Variants in ADCY2 observed in about 807,000 individuals in gnomAD.
ADCY2 encodes the protein adenylate cyclase 2.
In ADCY2, 31 loss-of-function variants were observed where a neutral mutation model predicts 125.2. The observed-to-expected ratio is 0.25, with a 90% CI of 0.19 to 0.33. The LOEUF (loss-of-function observed/expected upper bound fraction) is 0.33, where lower values mean the gene tolerates loss of function less well. Ranked by LOEUF, ADCY2 falls within the 10% of genes least tolerant of loss-of-function variation. ADCY2 has a pLI of 1.00. For synonymous variants in ADCY2, 512 were observed against 548.4 expected, an observed-to-expected ratio of 0.93 and a Z score of 0.93; for missense variants, 904 against 1,418.2, an observed-to-expected ratio of 0.64 and a Z score of 5.82.
At chr5:7,718,655 T>C (rs1254697438) in intron 12 of ADCY2, among the ~76,000 whole-genome samples, 1 of 152,098 alleles carries the variant, frequency 6.6e-6, no homozygotes, top group Non-Finnish European at 1.5e-5. Context: ...CTAGATGCCC[T>C]TCCTGTGCTA....
At chr5:7,498,280 G>A (rs1403598355) in intron 2 of ADCY2, among the ~76,000 whole-genome samples, 5 of 113,550 alleles carry the variant, frequency 4.4e-5, no homozygotes, top group South Asian at 2.9e-4. Flanking sequence ...ACAGAGTCTC[G>A]CTCTATCGCC....
At chr5:7,442,201 C>T (rs1205490607) in intron 2 of ADCY2, among the ~76,000 whole-genome samples, 1 of 152,142 alleles carries the variant, frequency 6.6e-6, no homozygotes, top group Non-Finnish European at 1.5e-5. Flanking sequence ...ATTGCATTTG[C>T]ATGTTGTGCC....
chr5:7,574,321 T>C (rs894187269), intron 3 of ADCY2, among the ~76,000 whole-genome samples: 4 of 151,832 alleles, frequency 2.6e-5, no homozygotes, highest in South Asian at 2.1e-4. Context: ...TTCTAGATCC[T>C]TGAGGAATCG....
Position 7,766,869 on chromosome 5 carries a change from A to G in ADCY2, c.2214+63A>G. On this transcript the variant is annotated intron_variant, in intron 17 of 24. Transcript: ENST00000338316. ...CCTGTATGCTCGTAGTCTGTATAAC[A>G]TATATCCTTTAGTCTCAGATCTGTT... 11 of 1,547,510 alleles carry G rather than the reference A, an allele frequency of 7.1e-6. No homozygotes were observed. The South Asian group carries it at 1.3e-4, about 18-fold the overall frequency.
At chr5:7,429,222 A>C (rs540913155) in intron 2 of ADCY2, among the ~76,000 whole-genome samples, 1 of 152,346 alleles carries the variant, frequency 6.6e-6, no homozygotes, top group African/African-American at 2.4e-5. Context: ...CTACTGATAA[A>C]GGAATTAGTA....
intron 19 of ADCY2, among the ~76,000 whole-genome samples, chr5:7,784,708 C>G (rs898978646): frequency 6.6e-6 from 1 of 151,454 alleles, no homozygotes; most frequent in Non-Finnish European, 1.5e-5. Context: ...CCTGTTAAAT[C>G]TCAAAACAAA....
chr5:7,536,603 T>C (rs1253328599), intron 3 of ADCY2, among the ~76,000 whole-genome samples: 1 of 152,228 alleles, frequency 6.6e-6, no homozygotes, highest in East Asian at 1.9e-4. Flanking sequence ...TTTCCCAACA[T>C]TTTTAGTTCT....
At position 7,789,706 on chromosome 5, in the gene ADCY2, T is replaced by C. The variant is rs2126504872; in HGVS notation, c.2534T>C (p.Ile845Thr). The C allele has an allele frequency of 6.2e-7, 1 of 1,613,608 alleles. No homozygotes were observed. The highest frequency in any genetic ancestry group is 2.2e-5 in the East Asian group (1 of 44,838). ...AAATTCAAAAAAGAGCGGGAGGAGATAGAGACCATGGAGAACCTGAACCGC... is the reference window on the plus strand; with the variant it reads ...AAATTCAAAAAAGAGCGGGAGGAGACAGAGACCATGGAGAACCTGAACCGC... ...KNKFKKEREEIETMENLNRVL... is the reference protein window; with the variant it reads ...KNKFKKEREETETMENLNRVL... The change falls in exon 20 of 25, where the codon ATA becomes ACA. Residue 845 changes from isoleucine (I) to threonine (T), a missense_variant. Around this residue, in one of 7 missense-constraint regions of ADCY2, gnomAD observed 181 missense variants for 381.6 expected, o/e 0.47. Transcript: ENST00000338316.
chr5:7,528,598 C>A (rs187215459), intron 3 of ADCY2, among the ~76,000 whole-genome samples: 9 of 152,322 alleles, frequency 5.9e-5, no homozygotes, highest in Middle Eastern at 3.4e-3. Context: ...CATCCATTAA[C>A]TGTCTCTATC....
At chr5:7,731,677 C>T (rs1742107586) in intron 14 of ADCY2, among the ~76,000 whole-genome samples, 1 of 152,070 alleles carries the variant, frequency 6.6e-6, no homozygotes, top group Non-Finnish European at 1.5e-5. Context: ...CATCTTGGCT[C>T]ACTGCAACCT....
intron 4 of ADCY2, among the ~76,000 whole-genome samples, chr5:7,632,641 T>C (rs1248925276): frequency 6.6e-6 from 1 of 152,196 alleles, no homozygotes; most frequent in African/African-American, 2.4e-5. Flanking sequence ...GTGTTTGCTA[T>C]TCCAATCCAT....
intron 4 of ADCY2, among the ~76,000 whole-genome samples, chr5:7,633,329 G>T (rs933448983): frequency 2.6e-5 from 4 of 151,592 alleles, no homozygotes; most frequent in Non-Finnish European, 5.9e-5. Flanking sequence ...TACTCTACTC[G>T]GGAGGCTAAG....
intron 16 of ADCY2, among the ~76,000 whole-genome samples, chr5:7,764,003 T>C (rs1026176362): frequency 1.3e-5 from 2 of 152,226 alleles, no homozygotes; most frequent in African/African-American, 4.8e-5. Flanking sequence ...TGCATTTTAA[T>C]GACCCTTACA....
At chr5:7,717,657 G>T (rs1460890658) in intron 12 of ADCY2, among the ~76,000 whole-genome samples, 2 of 152,198 alleles carry the variant, frequency 1.3e-5, no homozygotes, top group Non-Finnish European at 2.9e-5. Flanking sequence ...AAGAGAATTA[G>T]CATTGGTGAG....
At chr5:7,610,180 A>T (rs531494969) in intron 3 of ADCY2, among the ~76,000 whole-genome samples, 141 of 152,322 alleles carry the variant, frequency 9.3e-4, no homozygotes, top group African/African-American at 3.1e-3. Flanking sequence ...TGTTATTTCG[A>T]TGGTGTTGAA....
chr5:7,650,726 A>C, intron 4 of ADCY2, among the ~76,000 whole-genome samples: 1 of 152,220 alleles, frequency 6.6e-6, no homozygotes, highest in East Asian at 1.9e-4. Flanking sequence ...TTTTCTCTTA[A>C]AAATTTCAAT....
At chr5:7,711,711 C>T (rs1001858354) in intron 10 of ADCY2, among the ~76,000 whole-genome samples, 1 of 152,150 alleles carries the variant, frequency 6.6e-6, no homozygotes, top group African/African-American at 2.4e-5. Flanking sequence ...TGTTGAGTGC[C>T]TCAACTTCAG....
chr5:7,718,915 T>C (rs1741678867), intron 12 of ADCY2, among the ~76,000 whole-genome samples: 1 of 152,180 alleles, frequency 6.6e-6, no homozygotes, highest in East Asian at 1.9e-4. Flanking sequence ...TAGCATCTGA[T>C]ACTGTGTGAC....
chr5:7,701,943 G>A (rs773485131), intron 7 of ADCY2, among the ~76,000 whole-genome samples: 5 of 149,038 alleles, frequency 3.4e-5, no homozygotes, highest in East Asian at 1.9e-4. Context: ...ATGTCAACAG[G>A]TTTGAGGGAC....
Sources: allele counts gnomAD v4.1 joint callset (sites outside exome capture counted in the v4.1 genomes callset), GRCh38; gene constraint gnomAD v4.1.1; regional missense constraint gnomAD v4.1.1; transcripts MANE v1.5; gene names NCBI Gene and HGNC (gene_info 2026-07-23, HGNC 2026-07-21).